The following TAX1BP1 variants were observed in gnomAD, a reference collection of about 807,000 sequenced individuals.
TAX1BP1 encodes the protein Tax1 binding protein 1, also known as tax1-binding protein 1.
TAX1BP1 carries 62 observed loss-of-function variants against 97.7 expected under a neutral mutation model. The observed-to-expected ratio is 0.63, with a 90% CI of 0.52 to 0.78. The LOEUF (loss-of-function observed/expected upper bound fraction) is 0.78. Ranked by LOEUF, TAX1BP1 falls within the 30% of genes least tolerant of loss-of-function variation. The pLI, the probability that TAX1BP1 is intolerant of heterozygous loss-of-function variation, is 0.00. For synonymous variants in TAX1BP1, 340 were observed against 304.2 expected (o/e 1.12, Z -1.23); for missense variants, 867 against 916.1 (o/e 0.95, Z 0.69).
At chr7:27,819,247 C>T (rs1790886864) in intron 15 of TAX1BP1, among the ~76,000 whole-genome samples, 1 of 149,862 alleles carries the variant, frequency 6.7e-6, no homozygotes, top group Admixed American at 6.6e-5. Flanking sequence ...TGTCTTCTAA[C>T]AAATTTAGTG....
chr7:27,798,888 A>G (rs1790033707), intron 12 of TAX1BP1, among the ~76,000 whole-genome samples: 1 of 146,772 alleles, frequency 6.8e-6, no homozygotes, highest in African/African-American at 2.5e-5. Flanking sequence ...GTTCATCTTG[A>G]GTTGTGTTTT....
chr7:27,769,690 A>G lies in TAX1BP1; in HGVS notation c.468A>G (p.Lys156=). The G allele has an allele frequency of 6.2e-7, 1 of 1,605,238 alleles. No individual in the cohort carries two copies. The highest frequency in any genetic ancestry group is 8.5e-7 in the Non-Finnish European group (1 of 1,177,082). Residue 156 remains lysine, a synonymous_variant, in exon 5 of 17, where the codon AAA becomes AAG. Coordinates refer to ENST00000396319, the MANE Select transcript of TAX1BP1 (RefSeq NM_006024.7). ...KAGLLELKIE[K]TMKEKEELLK... Reference sequence around the variant, plus strand: ...TTGCTTTATAGTTGAAAATTGAGAAAACCATGAAAGAAAAAGAAGAACTGT... The same window carrying G: ...TTGCTTTATAGTTGAAAATTGAGAAGACCATGAAAGAAAAAGAAGAACTGT...
chr7:27,823,048 T>C (rs1043285113), intron 15 of TAX1BP1, among the ~76,000 whole-genome samples: 2 of 152,190 alleles, frequency 1.3e-5, no homozygotes, highest in Non-Finnish European at 2.9e-5. Context: ...TTTTGAAAAC[T>C]AATAGAGATT....
At chr7:27,741,653 A>G (rs907499406) in intron 1 of TAX1BP1, among the ~76,000 whole-genome samples, 14 of 152,044 alleles carry the variant, frequency 9.2e-5, no homozygotes, top group African/African-American at 2.9e-4. Flanking sequence ...GGCGCGCACC[A>G]CCACACTGAA....
In TAX1BP1 at chr7:27,793,086, A is replaced by G; in HGVS notation, c.1284A>G (p.Glu428=). 1 of 1,601,110 alleles carries G rather than the reference A, an allele frequency of 6.2e-7. No homozygotes were observed. The highest frequency in any genetic ancestry group is 8.5e-7 in the Non-Finnish European group (1 of 1,177,188). ...KKDQDKTDTL[E]HELRREVEDL... is the part of the protein sequence containing the mutation. ...TCTAGGACAAGACTGATACACTGGA[A>G]CACGAACTAAGAAGAGAAGTTGAAG... Residue 428 remains glutamate, a synonymous_variant, in exon 10 of 17, where the codon GAA becomes GAG. Transcript: ENST00000396319.
chr7:27,798,840 G>A (rs1790031184), intron 12 of TAX1BP1, among the ~76,000 whole-genome samples: 1 of 150,520 alleles, frequency 6.6e-6, no homozygotes, highest in African/African-American at 2.4e-5. Flanking sequence ...CTCTTTGTGT[G>A]AGTGGTCGAA....
Position 27,758,011 on chromosome 7 carries a change from T to G in TAX1BP1, c.163-20T>G, listed in dbSNP as rs775779046. 1.5e-5 allele frequency: 24 copies of G among 1,572,220 alleles called. No individual in the cohort carries two copies. Among genetic ancestry groups the G allele is most frequent in the Non-Finnish European group, 1.9e-5 (22 of 1,149,646 alleles). ...AAACTATTTGCTTATAAATCCGCCT[T>G]TTTTGTTATTTCCCTTTAGGTTGGA... On this transcript the variant is annotated intron_variant, in intron 2 of 16. Transcript: ENST00000396319.
At chr7:27,788,520 T>C (rs1789577770) in intron 8 of TAX1BP1, among the ~76,000 whole-genome samples, 1 of 152,116 alleles carries the variant, frequency 6.6e-6, no homozygotes, top group Non-Finnish European at 1.5e-5. Flanking sequence ...AATTCTATTA[T>C]GCCTTCTACA....
chr7:27,741,379 C>T (rs753178127), intron 1 of TAX1BP1, among the ~76,000 whole-genome samples: 3 of 152,198 alleles, frequency 2.0e-5, no homozygotes, highest in Non-Finnish European at 4.4e-5. Context: ...CTGTTCCTTT[C>T]AAGGGTAAAC....
At chr7:27,769,240 C>T (rs754970266) in intron 4 of TAX1BP1, among the ~76,000 whole-genome samples, 1 of 151,708 alleles carries the variant, frequency 6.6e-6, no homozygotes, top group Non-Finnish European at 1.5e-5. Context: ...AGATGAAGGC[C>T]TTATATACCA....
chr7:27,771,097 ATTTTTTTTTTTTTTT>A (rs57751582), intron 5 of TAX1BP1, among the ~76,000 whole-genome samples: 4,546 of 41,148 alleles, frequency 0.11, 339 homozygotes, highest in African/African-American at 0.28. Context: ...ACATTCAGCA[ATTTTTTTTTTTTTTT>A]TTTTTTTTTT....
At chr7:27,780,513 G>A (rs1789212245) in intron 5 of TAX1BP1, among the ~76,000 whole-genome samples, 1 of 152,088 alleles carries the variant, frequency 6.6e-6, no homozygotes. Context: ...CTACACAGTA[G>A]CTCTCAAGAT....
chr7:27,749,504 AAAC>A (rs1787947161), intron 2 of TAX1BP1, among the ~76,000 whole-genome samples: 1 of 152,364 alleles, frequency 6.6e-6, no homozygotes, highest in African/African-American at 2.4e-5. Context: ...GTATAAAGTT[AAAC>A]AACAAGGAAG....
intron 1 of TAX1BP1, among the ~76,000 whole-genome samples, chr7:27,741,713 G>A (rs1467553685): frequency 1.3e-5 from 2 of 152,122 alleles, no homozygotes; most frequent in Non-Finnish European, 2.9e-5. Context: ...TAGGTGGAAT[G>A]AGAGACTTGG....
chr7:27,785,990 A>G (rs1789463220), intron 7 of TAX1BP1, among the ~76,000 whole-genome samples: 1 of 152,160 alleles, frequency 6.6e-6, no homozygotes, highest in Admixed American at 6.5e-5. Context: ...CTTTTTAAGA[A>G]CATATATATA....
intron 15 of TAX1BP1, among the ~76,000 whole-genome samples, chr7:27,817,463 T>G (rs1216548168): frequency 6.6e-6 from 1 of 152,184 alleles, no homozygotes; most frequent in African/African-American, 2.4e-5. Context: ...TATCCCACTT[T>G]AGATTTTAGT....
At chr7:27,798,556 T>A (rs1790020091) in intron 12 of TAX1BP1, among the ~76,000 whole-genome samples, 1 of 148,788 alleles carries the variant, frequency 6.7e-6, no homozygotes. Flanking sequence ...CCCAGCTACA[T>A]GGGAGGCTGG....
intron 15 of TAX1BP1, among the ~76,000 whole-genome samples, chr7:27,821,635 A>AC (rs1790977739): frequency 2.6e-5 from 1 of 39,128 alleles, no homozygotes; most frequent in African/African-American, 8.8e-5. Flanking sequence ...ACTCGGTCTC[A>AC]AAAAAAAAAA....
intron 10 of TAX1BP1, 90 bp downstream of exon 10, chr7:27,793,302 T>G (rs1789790935): frequency 8.9e-7 from 1 of 1,123,552 alleles, no homozygotes; most frequent in Admixed American, 3.3e-5. Flanking sequence ...TATCAACCTT[T>G]TAAATATTAT....
Sources: allele counts gnomAD v4.1 joint callset (sites outside exome capture counted in the v4.1 genomes callset), GRCh38; gene constraint gnomAD v4.1.1; transcripts MANE v1.5; gene names NCBI Gene and HGNC (gene_info 2026-07-23, HGNC 2026-07-21).